Variants in ZNF578 observed in about 807,000 individuals in gnomAD.
ZNF578 encodes Putative chemokine-related protein B42.
Under a neutral mutation model 8.3 loss-of-function variants are expected in ZNF578, and 8 were observed. That is an observed-to-expected ratio of 0.96 (90% CI 0.56 to 1.74). ZNF578 has a LOEUF of 1.74. ZNF578 is among the 40% of genes most tolerant of loss of function. The pLI is 0.00. For synonymous variants in ZNF578, 206 were observed against 232.2 expected, an observed-to-expected ratio of 0.89 and a Z score of 1.03; for missense variants, 726 against 707.5, an observed-to-expected ratio of 1.03 and a Z score of -0.30.
At chr19:52,454,237 C>G (rs2059232231) in intron 1 of ZNF578, 1 of 152,230 alleles carries the variant, frequency 6.6e-6, no homozygotes, top group Non-Finnish European at 1.5e-5. Flanking sequence ...TGAAACTCAA[C>G]ACGGTAGTAA....
At chr19:52,480,206 G>A (rs763004039) in intron 2 of ZNF578, among the ~76,000 whole-genome samples, 5 of 152,010 alleles carry the variant, frequency 3.3e-5, no homozygotes, top group Non-Finnish European at 5.9e-5. Context: ...GTGCCCAGTC[G>A]ATTATGAATC....
At chr19:52,463,951 T>C (rs2059266491) in intron 2 of ZNF578, among the ~76,000 whole-genome samples, 1 of 151,656 alleles carries the variant, frequency 6.6e-6, no homozygotes, top group South Asian at 2.1e-4. Flanking sequence ...ATAATGATTA[T>C]CAATACATCC....
At position 52,500,153 on chromosome 19, in the gene ZNF578, G is replaced by A. The variant is rs570615383; in HGVS notation, c.-19-1674G>A. ...TCCCACAGCCCTCATTCGACACTGC[G>A]GCTGTGAAATCAGAAAATCTTACAG... On this transcript the variant is annotated intron_variant, in intron 3 of 5. Transcript: ENST00000421239. Among the ~76,000 whole-genome samples, 78 of 152,222 alleles carry A rather than the reference G, an allele frequency of 5.1e-4. 1 individual carries two copies. In the East Asian group the frequency reaches 7.5e-3, roughly 15 times the overall value.
intron 5 of ZNF578, 94 bp downstream of exon 5, chr19:52,504,875 C>G: frequency 7.2e-7 from 1 of 1,393,706 alleles, no homozygotes; most frequent in Non-Finnish European, 9.5e-7. Context: ...TTGCCCCATA[C>G]GTGGTTTTTT....
Position 52,513,870 on chromosome 19 carries a change from CAA to C in ZNF578, c.*1719_*1720del, listed in dbSNP as rs975618802. Among the ~76,000 whole-genome samples the C allele has an allele frequency of 9.2e-5, 14 of 151,918 alleles. No individual in the cohort carries two copies. Among genetic ancestry groups the C allele is most frequent in the African/African-American group, 3.4e-4 (14 of 41,388 alleles). On this transcript the variant is annotated 3_prime_UTR_variant, in exon 6 of 6. Transcript: ENST00000421239. Reference sequence around the variant, plus strand: ...TGAAACCCCATCTCTACTAAAAATACAAAAGTTAGCCAGGGGTGGGGGTGTGC... The same window carrying C: ...TGAAACCCCATCTCTACTAAAAATACAAGTTAGCCAGGGGTGGGGGTGTGC...
At chr19:52,473,996 C>A (rs2059300185) in intron 2 of ZNF578, 2 of 400,538 alleles carry the variant, frequency 5.0e-6, no homozygotes, top group African/African-American at 2.1e-5. Context: ...AGGTTTCTCT[C>A]CAGTATGAGT....
At position 52,511,133 on chromosome 19, in the gene ZNF578, T is replaced by A. The variant is rs373760596; in HGVS notation, c.752T>A (p.Ile251Lys). ...AGCTCATTTGTAAGGAAACATCAGA[T>A]AATCCATTTAGGAGAAAAACAATAT... Reference protein sequence around the residue: ...NCSSFVRKHQIIHLGEKQYKF... With the variant: ...NCSSFVRKHQKIHLGEKQYKF... The change falls in exon 6 of 6, where the codon ATA becomes AAA. Residue 251 changes from isoleucine to lysine, a missense_variant. Ile to Lys is a moderately radical substitution (Grantham distance 102). Transcript: ENST00000421239. 6.8e-6 allele frequency: 11 copies of A among 1,614,012 alleles called. No homozygotes were observed. Among genetic ancestry groups the A allele is most frequent in the Non-Finnish European group, 9.3e-6 (11 of 1,179,984 alleles).
At chr19:52,479,351 C>T (rs935909601) in intron 2 of ZNF578, among the ~76,000 whole-genome samples, 21 of 151,674 alleles carry the variant, frequency 1.4e-4, no homozygotes, top group Non-Finnish European at 2.4e-4. Context: ...CTGGCTAATG[C>T]GGTGAAACCC....
chr19:52,459,114 C>G (rs2059248274), intron 2 of ZNF578, among the ~76,000 whole-genome samples: 1 of 152,114 alleles, frequency 6.6e-6, no homozygotes, highest in Non-Finnish European at 1.5e-5. Context: ...CCATGATGCT[C>G]TTTGTTATGT....
chr19:52,491,983 A>G (rs1281568928), intron 3 of ZNF578, among the ~76,000 whole-genome samples: 3 of 151,094 alleles, frequency 2.0e-5, no homozygotes, highest in Non-Finnish European at 4.4e-5. Context: ...ACACGGTGAA[A>G]CCCCATCTCT....
At chr19:52,485,285 G>A (rs1421563346) in intron 2 of ZNF578, among the ~76,000 whole-genome samples, 1 of 152,228 alleles carries the variant, frequency 6.6e-6, no homozygotes, top group Non-Finnish European at 1.5e-5. Context: ...ACGTGGGGCT[G>A]TGCTGGGCTC....
chr19:52,503,800 C>CTTTTTTTTTT (rs59166209), intron 4 of ZNF578, among the ~76,000 whole-genome samples: 4 of 125,510 alleles, frequency 3.2e-5, no homozygotes, highest in Non-Finnish European at 3.4e-5. Context: ...CCTGTGTTTG[C>CTTTTTTTTTT]TTTTTTTTTT....
At chr19:52,495,606 C>T (rs934438813) in intron 3 of ZNF578, among the ~76,000 whole-genome samples, 2 of 151,860 alleles carry the variant, frequency 1.3e-5, no homozygotes, top group African/African-American at 4.8e-5. Flanking sequence ...TGAAGGGGGA[C>T]CCTGAGTGCA....
At chr19:52,474,625 C>T (rs1470747955) in intron 2 of ZNF578, 3 of 333,526 alleles carry the variant, frequency 9.0e-6, no homozygotes, top group East Asian at 7.7e-5. Flanking sequence ...GACTTTACCA[C>T]ACTCATTACA....
chr19:52,490,221 A>G (rs1354237448), intron 2 of ZNF578, among the ~76,000 whole-genome samples: 1 of 152,168 alleles, frequency 6.6e-6, no homozygotes, highest in African/African-American at 2.4e-5. Flanking sequence ...AAATTGCTCT[A>G]TTGCCTGGTG....
rs553250266 is a variant in ZNF578, at chr19:52,499,080, A to G, written c.-19-2747A>G. ...GCCACACCTCCTTCCTCCTCACCTCAGAGCTTCTCAGGATAACTTGGTGAA... is the reference window on the plus strand; with the variant it reads ...GCCACACCTCCTTCCTCCTCACCTCGGAGCTTCTCAGGATAACTTGGTGAA... On this transcript the variant is annotated intron_variant, in intron 3 of 5. Coordinates refer to ENST00000421239, the MANE Select transcript of ZNF578 (RefSeq NM_001099694.2). Among the ~76,000 whole-genome samples the G allele has an allele frequency of 3.1e-4, 47 of 152,232 alleles. No homozygotes were observed. The South Asian group carries it at 9.7e-3, about 32-fold the overall frequency.
chr19:52,513,148 G>C lies in ZNF578; in HGVS notation c.*994G>C, dbSNP rs1216580089. Among the ~76,000 whole-genome samples, 1 of 151,914 alleles carries C rather than the reference G, an allele frequency of 6.6e-6. No homozygotes were observed. Among genetic ancestry groups the C allele is most frequent in the Non-Finnish European group, 1.5e-5 (1 of 67,996 alleles). ...CGATTCCTCTGCCTCAGCCTCCCTA[G>C]TTGCTGGGATTACAGGTATATGCCA... On this transcript the variant is annotated 3_prime_UTR_variant, in exon 6 of 6. Transcript: ENST00000421239.
chr19:52,489,699 A>C (rs193207846), intron 2 of ZNF578, among the ~76,000 whole-genome samples: 29 of 151,466 alleles, frequency 1.9e-4, no homozygotes, highest in Admixed American at 8.6e-4. Context: ...TGTGTTGCCC[A>C]GCCTGAAGTG....
intron 2 of ZNF578, chr19:52,474,027 G>A (rs2059300315): frequency 2.4e-6 from 1 of 415,428 alleles, no homozygotes; most frequent in Non-Finnish European, 4.9e-6. Context: ...CGTGCAAGGT[G>A]TGCAATTTGA....
Sources: gnomAD v4.1 joint callset for allele counts (sites outside exome capture counted in the v4.1 genomes callset) on GRCh38, gnomAD v4.1.1 for gene constraint, MANE v1.5 for transcripts, NCBI Gene and HGNC (gene_info 2026-07-23, HGNC 2026-07-21) for gene names.